The following EYS variants were observed in gnomAD, a reference collection of about 807,000 sequenced individuals.
EYS encodes EGF-like photoreceptor maintenance factor, also known as protein eyes shut homolog.
In EYS, 250 loss-of-function variants were observed where a neutral mutation model predicts 282.1. That is an observed-to-expected ratio of 0.89 (90% CI 0.80 to 0.98). The LOEUF (loss-of-function observed/expected upper bound fraction) is 0.98. Among genes scored for constraint, EYS ranks in the 50% least tolerant of loss-of-function variants. EYS has a pLI of 0.00. For synonymous variants in EYS, 1,355 were observed against 1,282.9 expected (o/e 1.06, Z -1.20); for missense variants, 4,016 against 3,709.0 (o/e 1.08, Z -2.15).
At chr6:64,276,893 A>G (rs924367418) in intron 30 of EYS, among the ~76,000 whole-genome samples, 2 of 152,284 alleles carry the variant, frequency 1.3e-5, no homozygotes, top group African/African-American at 2.4e-5. Flanking sequence ...AATAGAATTA[A>G]TTTGGAATAT....
chr6:65,414,279 G>T (rs562405243), intron 5 of EYS, among the ~76,000 whole-genome samples: 4 of 152,166 alleles, frequency 2.6e-5, no homozygotes, highest in African/African-American at 9.6e-5. Context: ...AGGAATTCTG[G>T]CATTTACTGC....
intron 12 of EYS, among the ~76,000 whole-genome samples, chr6:65,099,575 ACTGCAAAATAAAGAAT>A (rs1774836236): frequency 6.6e-6 from 1 of 150,684 alleles, no homozygotes; most frequent in Non-Finnish European, 1.5e-5. Flanking sequence ...GGGGATGAAC[ACTGCAAAATAAAGAAT>A]TTTGACTCAA....
At chr6:64,251,696 T>C (rs1767223888) in intron 30 of EYS, among the ~76,000 whole-genome samples, 1 of 152,150 alleles carries the variant, frequency 6.6e-6, no homozygotes, top group Non-Finnish European at 1.5e-5. Flanking sequence ...GTTTAGTGTG[T>C]TTATCCATTT....
chr6:64,709,685 A>G (rs1403625643), intron 22 of EYS, among the ~76,000 whole-genome samples: 2 of 152,240 alleles, frequency 1.3e-5, no homozygotes, highest in Non-Finnish European at 2.9e-5. Flanking sequence ...GTCAGATTGT[A>G]TGAAGGAGCT....
rs386407368 is a variant in EYS at position 65,584,897 on chromosome 6, T to TTA, written c.-333+54879_-333+54880dup. 4.4e-3 allele frequency among the ~76,000 whole-genome samples: 391 copies of TTA among 89,690 alleles called. 3 individuals carry two copies. The highest frequency in any genetic ancestry group is 0.021 in the Middle Eastern group (4 of 190). 58.8% of individuals were successfully genotyped at this position (89,690 alleles called of 152,430 possible). On this transcript the variant is annotated intron_variant, in intron 2 of 42. Transcript: ENST00000503581. ...TAGCACTATGGGAATATTATATATATTATATATATATATAACATTTTTCAT... is the reference window on the plus strand; with the variant it reads ...TAGCACTATGGGAATATTATATATATTATATATATATATATAACATTTTTCAT...
intron 32 of EYS, among the ~76,000 whole-genome samples, chr6:64,080,264 G>A (rs1771918671): frequency 1.3e-5 from 2 of 152,188 alleles, no homozygotes; most frequent in Admixed American, 1.3e-4. Context: ...ACTGGTGTGA[G>A]ATGGTATCTC....
chr6:65,403,833 CAT>C (rs752503499), intron 6 of EYS, among the ~76,000 whole-genome samples: 180 of 152,114 alleles, frequency 1.2e-3, no homozygotes, highest in Admixed American at 3.9e-3. Context: ...AAAGTTATAA[CAT>C]GTGTTCAATT....
chr6:65,108,915 A>C (rs1017451081), intron 12 of EYS, among the ~76,000 whole-genome samples: 3 of 151,804 alleles, frequency 2.0e-5, no homozygotes, highest in Non-Finnish European at 4.4e-5. Flanking sequence ...ACCTTGGGTG[A>C]ACTCTGTTGG....
intron 26 of EYS, among the ~76,000 whole-genome samples, chr6:64,584,998 T>G (rs1320576844): frequency 2.0e-5 from 3 of 152,024 alleles, no homozygotes; most frequent in African/African-American, 7.2e-5. Flanking sequence ...AATAAAATAG[T>G]TTTACTAAAA....
chr6:64,643,684 T>C (rs535892836), intron 22 of EYS, among the ~76,000 whole-genome samples: 2 of 152,214 alleles, frequency 1.3e-5, no homozygotes, highest in Non-Finnish European at 2.9e-5. Flanking sequence ...GAATTATGGG[T>C]GTGGGTCTTT....
chr6:64,135,398 A>G (rs1416403173), intron 31 of EYS, among the ~76,000 whole-genome samples: 3 of 152,130 alleles, frequency 2.0e-5, no homozygotes, highest in Non-Finnish European at 4.4e-5. Flanking sequence ...TTATTTAGAA[A>G]TATTCCTGTG....
At chr6:64,210,896 C>T (rs1765747163) in intron 31 of EYS, among the ~76,000 whole-genome samples, 1 of 152,292 alleles carries the variant, frequency 6.6e-6, no homozygotes. Flanking sequence ...TTCTCTCTCC[C>T]TACTGGAGCT....
In EYS at chr6:65,466,984, T is replaced by C. The variant is rs186461499; in HGVS notation, c.862+23610A>G. ...ATGCTATATGTAGTTTTACAGGTTA[T>C]ACAAAGTAGGCAGGCTCTAAATATT... On this transcript the variant is annotated intron_variant, in intron 5 of 42. Transcript: ENST00000503581. Among the ~76,000 whole-genome samples, 6 of 152,300 alleles carry C rather than the reference T, an allele frequency of 3.9e-5. No individual in the cohort carries two copies. In the East Asian group the frequency reaches 1.2e-3, roughly 29 times the overall value.
intron 12 of EYS, among the ~76,000 whole-genome samples, chr6:65,176,183 G>A (rs1765218993): frequency 1.3e-5 from 2 of 151,412 alleles, no homozygotes; most frequent in African/African-American, 4.8e-5. Flanking sequence ...TAGATTTTCA[G>A]AAATTATTCC....
rs967181732 is a variant in EYS at position 65,514,033 on chromosome 6, T to A, written c.-332-18040A>T. Among the ~76,000 whole-genome samples the A allele has an allele frequency of 7.9e-5, 12 of 152,208 alleles. 1 individual carries two copies. Among genetic ancestry groups the A allele is most frequent in the African/African-American group, 2.9e-4 (12 of 41,548 alleles). ...TTTGCAGATGACATGATTGTATATC[T>A]AGAAAACCCCATTGTCTCAGCCCAA... On this transcript the variant is annotated intron_variant, in intron 2 of 42. Coordinates refer to ENST00000503581, the MANE Select transcript of EYS (RefSeq NM_001142800.2).
intron 12 of EYS, among the ~76,000 whole-genome samples, chr6:65,268,842 A>G (rs1356516819): frequency 1.3e-5 from 2 of 151,994 alleles, no homozygotes; most frequent in African/African-American, 4.8e-5. Flanking sequence ...ATCTCTTGAT[A>G]TAATTTTATT....
At chr6:65,015,870 TAAAAAAA>T (rs776971479) in intron 13 of EYS, among the ~76,000 whole-genome samples, 4 of 52,030 alleles carry the variant, frequency 7.7e-5, no homozygotes, top group East Asian at 5.9e-4. Context: ...TCGTCTCTAC[TAAAAAAA>T]AAAAAAAAAA....
At chr6:63,972,588 C>T (rs1431623782) in intron 35 of EYS, among the ~76,000 whole-genome samples, 2 of 151,918 alleles carry the variant, frequency 1.3e-5, no homozygotes, top group East Asian at 1.9e-4. Context: ...ATGTGCAGAA[C>T]GTGCAGGTTT....
At chr6:64,703,077 A>T (rs1770844833) in intron 22 of EYS, among the ~76,000 whole-genome samples, 1 of 152,048 alleles carries the variant, frequency 6.6e-6, no homozygotes, top group African/African-American at 2.4e-5. Context: ...ACAAGCTAAG[A>T]GTAAACTCAT....
Sources: gnomAD v4.1 joint callset for allele counts (sites outside exome capture counted in the v4.1 genomes callset) on GRCh38, gnomAD v4.1.1 for gene constraint, MANE v1.5 for transcripts, NCBI Gene and HGNC (gene_info 2026-07-23, HGNC 2026-07-21) for gene names.